SOX6: variants seen among roughly 807,000 people sequenced by gnomAD.
SOX6 encodes transcription factor SOX-6.
A neutral mutation model predicts 97.8 loss-of-function variants in SOX6; 11 were observed. The ratio of observed to expected loss-of-function variants is 0.11; its 90% CI spans 0.07 to 0.19. SOX6 has a LOEUF of 0.19. SOX6 is among the 10% of genes least tolerant of loss of function. The pLI, the probability that SOX6 is intolerant of heterozygous loss-of-function variation, is 1.00. For missense variants in SOX6, 810 were observed against 1,039.5 expected (o/e 0.78, Z 3.04); for synonymous variants, 360 against 371.4 (o/e 0.97, Z 0.35).
intron 9 of SOX6, among the ~76,000 whole-genome samples, chr11:16,066,297 G>C (rs1310239671): frequency 6.6e-6 from 1 of 152,154 alleles, no homozygotes; most frequent in East Asian, 1.9e-4. Context: ...CCTGTACACT[G>C]TTGGTGAGAA....
rs1370664406 is a variant in SOX6 at position 16,610,333 on chromosome 11, C to T, written n.609+1748G>A. Among the ~76,000 whole-genome samples the T allele has an allele frequency of 1.3e-5, 2 of 152,188 alleles. No individual in the cohort carries two copies. The highest frequency in any genetic ancestry group is 2.1e-4 in the South Asian group (1 of 4,832). Reference sequence around the variant, plus strand: ...AACATTAGGGACGGAAAGGCTGGAGCGCGACTGGGTTCCTCCAATTTGCTG... The same window carrying T: ...AACATTAGGGACGGAAAGGCTGGAGTGCGACTGGGTTCCTCCAATTTGCTG... On this transcript the variant is annotated intron_variant and non_coding_transcript_variant, in intron 4 of 5. Coordinates refer to the SOX6 transcript ENST00000524520. This position sits in a 1 kb window ranked among gnomAD's most constrained non-coding sequence, Gnocchi z 4.4.
chr11:16,251,582 T>A (rs1180142202), intron 3 of SOX6, among the ~76,000 whole-genome samples: 4 of 152,066 alleles, frequency 2.6e-5, no homozygotes, highest in Admixed American at 2.6e-4. Context: ...ATAAAGATAT[T>A]GGATCTATAA....
At chr11:16,689,818 GTCA>G (rs1262133018) in intron 3 of SOX6, among the ~76,000 whole-genome samples, 2 of 151,726 alleles carry the variant, frequency 1.3e-5, no homozygotes, top group Non-Finnish European at 2.9e-5. Context: ...TTTTAGAGAG[GTCA>G]TCATTTGTTT....
At chr11:16,187,022 G>A (rs1851498032) in intron 4 of SOX6, 67 bp from the exon 5 acceptor site, 3 of 1,555,834 alleles carry the variant, frequency 1.9e-6, no homozygotes, top group South Asian at 1.1e-5. Flanking sequence ...GGAAAGGAGG[G>A]CAGAATTTAG....
intron 6 of SOX6, among the ~76,000 whole-genome samples, chr11:16,174,034 CTTTTTTT>C (rs76988026): frequency 1.5e-5 from 2 of 132,030 alleles, no homozygotes; most frequent in African/African-American, 5.5e-5. Flanking sequence ...TCCTTTGTTT[CTTTTTTT>C]TTTTTTTTTG....
chr11:15,987,540 A>G (rs1590110811), intron 14 of SOX6, among the ~76,000 whole-genome samples: 1 of 152,188 alleles, frequency 6.6e-6, no homozygotes, highest in South Asian at 2.1e-4. Flanking sequence ...CAGAATGCAC[A>G]CAAATAATAT....
chr11:16,680,318 A>C (rs902967124), intron 3 of SOX6, among the ~76,000 whole-genome samples: 1 of 152,222 alleles, frequency 6.6e-6, no homozygotes, highest in African/African-American at 2.4e-5. Flanking sequence ...ATTCTTAAAG[A>C]AAAGAATTTT....
intron 2 of SOX6, among the ~76,000 whole-genome samples, chr11:16,718,145 T>C (rs1023162433): frequency 6.6e-6 from 1 of 152,062 alleles, no homozygotes; most frequent in Non-Finnish European, 1.5e-5. Context: ...TTTCCTATAC[T>C]GATGTTCCAG....
intron 3 of SOX6, among the ~76,000 whole-genome samples, chr11:16,653,684 G>T (rs1451175658): frequency 6.6e-6 from 1 of 152,120 alleles, no homozygotes; most frequent in Admixed American, 6.6e-5. Context: ...CACTGCTTGG[G>T]TGATGGGTGC....
intron 1 of SOX6, among the ~76,000 whole-genome samples, chr11:16,365,227 G>A (rs1317775086): frequency 6.6e-6 from 1 of 151,818 alleles, no homozygotes; most frequent in Non-Finnish European, 1.5e-5. Flanking sequence ...ACTATCTGTG[G>A]TTTCAGTCAT....
At chr11:16,502,915 T>C (rs1860730250) in intron 4 of SOX6, among the ~76,000 whole-genome samples, 1 of 152,066 alleles carries the variant, frequency 6.6e-6, no homozygotes, top group African/African-American at 2.4e-5. Context: ...CCACGGTACA[T>C]TATAGTCAAA....
chr11:16,455,236 T>A (rs1859790111), intron 1 of SOX6, among the ~76,000 whole-genome samples: 1 of 152,082 alleles, frequency 6.6e-6, no homozygotes, highest in Non-Finnish European at 1.5e-5. Flanking sequence ...ATTGTCTGTG[T>A]CTTTCACCAC....
At chr11:16,196,350 A>G (rs758535973) in intron 4 of SOX6, among the ~76,000 whole-genome samples, 1 of 152,232 alleles carries the variant, frequency 6.6e-6, no homozygotes, top group Non-Finnish European at 1.5e-5. Context: ...ACTATGATAA[A>G]TGGAGAATGG....
intron 4 of SOX6, among the ~76,000 whole-genome samples, chr11:16,577,616 A>G (rs1326667962): frequency 6.6e-6 from 1 of 152,172 alleles, no homozygotes; most frequent in Non-Finnish European, 1.5e-5. Flanking sequence ...TGCTTACTAT[A>G]GCCTCCCTAG....
chr11:16,367,904 A>G (rs1404958135), intron 1 of SOX6, among the ~76,000 whole-genome samples: 2 of 152,104 alleles, frequency 1.3e-5, no homozygotes, highest in Admixed American at 6.6e-5. Flanking sequence ...TTCACTTATC[A>G]TCAGTGGGTT....
chr11:16,064,889 G>C (rs967500252), intron 9 of SOX6, among the ~76,000 whole-genome samples: 8 of 151,962 alleles, frequency 5.3e-5, no homozygotes, highest in African/African-American at 1.9e-4. Context: ...AGCCGTATAT[G>C]ACAGACACAC....
At chr11:16,115,879 T>C (rs531486827) in intron 6 of SOX6, among the ~76,000 whole-genome samples, 2 of 152,350 alleles carry the variant, frequency 1.3e-5, no homozygotes, top group African/African-American at 4.8e-5. Context: ...CAATTTTCAA[T>C]AAATTCCTTC....
chr11:16,415,248 AAATAT>A (rs1858902973), intron 1 of SOX6, among the ~76,000 whole-genome samples: 1 of 152,108 alleles, frequency 6.6e-6, no homozygotes. Context: ...ACCAAAAATA[AAATAT>A]AACTATTTGT....
At chr11:16,092,283 T>TA (rs960203793) in intron 9 of SOX6, among the ~76,000 whole-genome samples, 1 of 151,942 alleles carries the variant, frequency 6.6e-6, no homozygotes, top group Non-Finnish European at 1.5e-5. Context: ...TAATAAGTAA[T>TA]AAAAAATAGT....
Sources: gnomAD v4.1 joint callset for allele counts (sites outside exome capture counted in the v4.1 genomes callset) on GRCh38, gnomAD v4.1.1 for gene constraint, Gnocchi (gnomAD v3.1) non-coding constraint, MANE v1.5 for transcripts, NCBI Gene and HGNC (gene_info 2026-07-23, HGNC 2026-07-21) for gene names.